EIF4G1: variants seen among roughly 807,000 people sequenced by gnomAD.
EIF4G1 encodes the protein eukaryotic translation initiation factor 4 gamma 1.
EIF4G1 carries 4 observed loss-of-function variants against 187.8 expected under a neutral mutation model. The observed-to-expected ratio is 0.02, with a 90% confidence interval of 0.01 to 0.05. The LOEUF is 0.05. Ranked by LOEUF, EIF4G1 falls within the 10% of genes least tolerant of loss-of-function variation. The probability of loss-of-function intolerance (pLI) is 1.00; values close to 1 mark genes in which losing one functional copy is unlikely to be tolerated. For synonymous variants in EIF4G1, 844 were observed against 781.4 expected (o/e 1.08, Z -1.34); for missense variants, 1,647 against 2,081.1 (o/e 0.79, Z 4.06).
chr3:184,328,412 A>C, intron 26 of EIF4G1: 1 of 694,290 alleles, frequency 1.4e-6, no homozygotes, highest in East Asian at 2.6e-5. Context: ...AAAAAACAGT[A>C]TGGGTTCCTT....
At chr3:184,329,481 AT>A (rs1291992335) in intron 28 of EIF4G1, among the ~76,000 whole-genome samples, 1 of 152,136 alleles carries the variant, frequency 6.6e-6, no homozygotes, top group Non-Finnish European at 1.5e-5. Flanking sequence ...AAACACAAAA[AT>A]TAGCCGTGTT....
rs767248756 is a variant in EIF4G1 at position 184,319,693 on chromosome 3, C to T, written c.429C>T (p.Gly143=). 16 of 1,588,476 alleles carry T rather than the reference C, an allele frequency of 1.0e-5. No individual in the cohort carries two copies. The highest frequency in any genetic ancestry group is 2.3e-5 in the South Asian group (2 of 87,636). Residue 143 remains glycine (G), a synonymous_variant, in exon 7 of 33, where the codon GGC becomes GGT. Transcript: ENST00000346169. ...CTCCGTCCCCCCTCCCCCAAGCTGG[C>T]GCCTACTATCCAGCCCAAGGGGTGC... The part of the protein sequence containing the change: ...ASPTEFGTYA[G]AYYPAQGVQQ...
intron 23 of EIF4G1, 104 bp from the exon 24 acceptor site, chr3:184,327,112 T>C (rs189138079): frequency 1.3e-5 from 21 of 1,568,230 alleles, no homozygotes; most frequent in Admixed American, 1.0e-4. Flanking sequence ...TGGGGCATAC[T>C]CATTATGCTA....
chr3:184,325,211 C>T lies in EIF4G1; in HGVS notation c.2857-58C>T. On this transcript the variant is annotated intron_variant, in intron 18 of 32. Coordinates refer to ENST00000346169, the MANE Select transcript of EIF4G1 (RefSeq NM_198241.3). The surrounding 1 kb of genome is among the most constrained non-coding windows in gnomAD (Gnocchi z 5.2). ...GCGGAAGGCCTGAGGAGGGGTGGGG[C>T]CTGCAGTTATAGGTGGGACATGAGA... is the stretch of plus-strand genomic sequence containing the variant. 2 of 1,606,332 alleles carry T rather than the reference C, an allele frequency of 1.2e-6. No homozygotes were observed. Among genetic ancestry groups the T allele is most frequent in the Non-Finnish European group, 1.7e-6 (2 of 1,173,030 alleles).
chr3:184,331,605 A>T lies in EIF4G1; in HGVS notation c.4394A>T (p.Glu1465Val), dbSNP rs1329906906. 2 of 1,146,308 alleles carry T rather than the reference A, an allele frequency of 1.7e-6. No homozygotes were observed. The highest frequency in any genetic ancestry group is 4.4e-5 in the Admixed American group (2 of 45,690). 71.0% of individuals were successfully genotyped at this position (1,146,308 alleles called of 1,614,324 possible). A position where few individuals can be genotyped will look rare whatever the true frequency, so the allele number is the denominator to read the frequency against. The change falls in exon 30 of 33, where the codon GAG (glutamate) becomes GTG (valine). Residue 1465 changes from glutamate to valine, a missense_variant and splice_region_variant. Glu to Val is a moderately radical substitution (Grantham distance 121, BLOSUM62 -2). This residue lies in a region of EIF4G1 where 543 missense variants were observed against 638.0 expected (regional missense o/e 0.85). Coordinates refer to ENST00000346169, the MANE Select transcript of EIF4G1 (RefSeq NM_198241.3). ...AACCAGCGGGTGTTCGACTGGATAG[A>T]GGTAGGTTTCTCCTGGATATCGATA... The part of the protein sequence containing the change: ...SSNQRVFDWI[E>V]ANLSEQQIVS...
At chr3:184,328,187 G>A (rs561654593) in intron 26 of EIF4G1, 185 bp downstream of exon 26, 1 of 673,522 alleles carries the variant, frequency 1.5e-6, no homozygotes, top group Admixed American at 2.2e-5. Context: ...ACGTGAGGTT[G>A]GGAGTTCTAG....
downstream of EIF4G1, chr3:184,335,355 C>G: frequency 4.6e-6 from 1 of 217,056 alleles, no homozygotes; most frequent in South Asian, 6.6e-5. Flanking sequence ...TTCAATTAAG[C>G]TCACTGCCTT....
Position 184,323,258 on chromosome 3 carries a change from A to G in EIF4G1, c.2088+17A>G. The G allele has an allele frequency of 6.2e-7, 1 of 1,613,962 alleles. No individual in the cohort carries two copies. Among genetic ancestry groups the G allele is most frequent in the African/African-American group, 1.3e-5 (1 of 75,052 alleles). On this transcript the variant is annotated intron_variant, in intron 14 of 32. Coordinates refer to ENST00000346169, the MANE Select transcript of EIF4G1 (RefSeq NM_198241.3). This position sits in a 1 kb window ranked among gnomAD's most constrained non-coding sequence, Gnocchi z 6.9. ...CGTGGGCCGGTGAGTGGGGCTGGGT[A>G]AAGTGGCAGGTGGGCAAGGAGTGGG...
chr3:184,326,137 AACACAC>A lies in EIF4G1; in HGVS notation c.3222+213_3222+218del, dbSNP rs34901174. 7.1e-4 allele frequency among the ~76,000 whole-genome samples: 105 copies of A among 147,038 alleles called. No homozygotes were observed. The East Asian group carries it at 0.013, about 18-fold the overall frequency. On this transcript the variant is annotated intron_variant, in intron 21 of 32. Coordinates refer to ENST00000346169, the MANE Select transcript of EIF4G1 (RefSeq NM_198241.3). The stretch of plus-strand genomic sequence containing the variant: ...CATTAGTCTGGACCAGTGTTTGGCA[AACACAC>A]ACACACACACACACACACACACACA...
chr3:184,319,592 T>C (rs1560209784), intron 6 of EIF4G1, 97 bp from the exon 7 acceptor site: 1 of 805,996 alleles, frequency 1.2e-6, no homozygotes, highest in Non-Finnish European at 2.1e-6. Flanking sequence ...CGGCTGTGGG[T>C]GGTGAGAGGT....
intron 26 of EIF4G1, 197 bp downstream of exon 26, chr3:184,328,199 C>T (rs1725324994): frequency 1.6e-6 from 1 of 627,656 alleles, no homozygotes; most frequent in African/African-American, 1.8e-5. Flanking sequence ...GAGTTCTAGA[C>T]CAGCCTGGCC....
At chr3:184,330,842 C>T (rs1446400549) in intron 28 of EIF4G1, among the ~76,000 whole-genome samples, 4 of 151,986 alleles carry the variant, frequency 2.6e-5, no homozygotes, top group South Asian at 2.1e-4. Flanking sequence ...TGGGTTCAAG[C>T]GATTCTCCTG....
chr3:184,327,760 CA>C (rs1354787073), intron 25 of EIF4G1, 56 bp downstream of exon 25: 3 of 1,613,140 alleles, frequency 1.9e-6, no homozygotes, highest in Non-Finnish European at 2.5e-6. Context: ...ATCATGCTGG[CA>C]GGCATAGGGG....
chr3:184,315,568 T>G, intron 2 of EIF4G1, 23 bp downstream of exon 2: 1 of 763,330 alleles, frequency 1.3e-6, no homozygotes, highest in Non-Finnish European at 2.4e-6. Context: ...TCTGTTTCAG[T>G]AGGTCAGGGG....
At chr3:184,320,341 G>A in intron 7 of EIF4G1, 2 of 1,340,350 alleles carry the variant, frequency 1.5e-6, no homozygotes, top group Non-Finnish European at 1.9e-6. Context: ...GCCCCAGGGT[G>A]TGCAGCCACT....
chr3:184,315,237 G>A (rs1722534501), intron 1 of EIF4G1: 3 of 411,166 alleles, frequency 7.3e-6, no homozygotes, highest in South Asian at 1.7e-5. Flanking sequence ...CGCCCTTCCT[G>A]GCCTACACTC....
chr3:184,332,132 A>T (rs1311949262), intron 32 of EIF4G1, 46 bp downstream of exon 32: 2 of 1,613,898 alleles, frequency 1.2e-6, no homozygotes, highest in Non-Finnish European at 8.5e-7. Flanking sequence ...AGGGACTGCC[A>T]GATAGCAGGG....
chr3:184,326,137 A>AACAC (rs34901174), intron 21 of EIF4G1, among the ~76,000 whole-genome samples, 186 bp downstream of exon 21: 1,986 of 147,044 alleles, frequency 0.014, 34 homozygotes, highest in African/African-American at 0.042. Context: ...GTGTTTGGCA[A>AACAC]ACACACACAC....
intron 7 of EIF4G1, chr3:184,320,370 G>T: frequency 1.4e-6 from 2 of 1,381,336 alleles, no homozygotes; most frequent in Non-Finnish European, 9.4e-7. Context: ...GACTGCTGGT[G>T]GGGTAGGGAT....
Sources: gnomAD v4.1 joint callset for allele counts (sites outside exome capture counted in the v4.1 genomes callset) on GRCh38, gnomAD v4.1.1 for gene constraint, gnomAD v4.1.1 regional missense constraint, Gnocchi (gnomAD v3.1) non-coding constraint, MANE v1.5 for transcripts, NCBI Gene and HGNC (gene_info 2026-07-23, HGNC 2026-07-21) for gene names.